ADCY1: variants seen among roughly 807,000 people sequenced by gnomAD.
ADCY1 encodes the protein adenylate cyclase type 1.
A neutral mutation model predicts 105.4 loss-of-function variants in ADCY1; 28 were observed. The ratio of observed to expected loss-of-function variants is 0.27; its 90% CI spans 0.20 to 0.36. ADCY1 has a LOEUF of 0.36. Ranked by LOEUF, ADCY1 falls within the 10% of genes least tolerant of loss-of-function variation. The pLI is 1.00. For synonymous variants in ADCY1, 655 were observed against 623.8 expected, an observed-to-expected ratio of 1.05 and a Z score of -0.75; for missense variants, 977 against 1,434.2, an observed-to-expected ratio of 0.68 and a Z score of 5.15.
At position 45,648,720 on chromosome 7, in the gene ADCY1, G is replaced by A. The variant is rs1338523999; in HGVS notation, c.1071G>A (p.Val357=). 4 of 1,614,178 alleles carry A rather than the reference G, an allele frequency of 2.5e-6. No homozygotes were observed. Among genetic ancestry groups the A allele is most frequent in the South Asian group, 1.1e-5 (1 of 91,088 alleles). The change falls in exon 5 of 20, where the codon GTG becomes GTA. Residue 357 remains valine (V), a synonymous_variant. Transcript: ENST00000297323. The stretch of plus-strand genomic sequence containing the variant: ...TTCTCGGGGACTGCTACTACTGCGT[G>A]TCGGGCCTCACCCAGCCCAAGACTG... ...IKILGDCYYC[V]SGLTQPKTDH... is the part of the protein sequence containing the mutation.
At chr7:45,705,650 G>GA (rs1296422559) in intron 17 of ADCY1, among the ~76,000 whole-genome samples, 1 of 152,178 alleles carries the variant, frequency 6.6e-6, no homozygotes, top group Non-Finnish European at 1.5e-5. Context: ...TGCTCTCTAA[G>GA]ATGAGAAGCA....
intron 14 of ADCY1, among the ~76,000 whole-genome samples, chr7:45,693,394 C>A (rs12702175): frequency 7.2e-6 from 1 of 139,164 alleles, no homozygotes; most frequent in Admixed American, 7.4e-5. Context: ...GATTGGAATA[C>A]TTTCAGAAGG....
Position 45,696,641 on chromosome 7 carries a change from C to T in ADCY1, c.2455-6735C>T, listed in dbSNP as rs200458906. On this transcript the variant is annotated intron_variant, in intron 14 of 19. Coordinates refer to ENST00000297323, the MANE Select transcript of ADCY1 (RefSeq NM_021116.4). ...TCAGGGTCAGGCTCTCAGCCCTCCC[C>T]AGGACCGTTCAGCTTCAGAGTGCTC... 7.2e-5 allele frequency among the ~76,000 whole-genome samples: 11 copies of T among 152,250 alleles called. No individual in the cohort carries two copies. The East Asian group carries it at 1.5e-3, about 21-fold the overall frequency.
rs1382563249 is a variant in ADCY1 at position 45,720,901 on chromosome 7, G to A, written c.*6906G>A. 1 of 152,230 alleles carries A rather than the reference G, an allele frequency of 6.6e-6. No homozygotes were observed. Among genetic ancestry groups the A allele is most frequent in the East Asian group, 1.9e-4 (1 of 5,196 alleles). The allele number at this position is 152,230 out of a possible 1,614,324, so 9.4% of individuals were successfully genotyped here. A position where few individuals can be genotyped will look rare whatever the true frequency, so the allele number is the denominator to read the frequency against. On this transcript the variant is annotated 3_prime_UTR_variant, in exon 20 of 20. Transcript: ENST00000297323. ...AGGGAGGTATTATTATACTCCTTAT[G>A]TTGACAGTGAAGAATCTGAGGCCCA...
At chr7:45,644,183 G>A (rs984851308) in intron 4 of ADCY1, among the ~76,000 whole-genome samples, 3 of 152,098 alleles carry the variant, frequency 2.0e-5, no homozygotes, top group Admixed American at 2.0e-4. Flanking sequence ...CTTAGAATTG[G>A]GATGCAGTGT....
intron 4 of ADCY1, among the ~76,000 whole-genome samples, chr7:45,629,152 A>G (rs143052821): frequency 6.6e-6 from 1 of 152,204 alleles, no homozygotes; most frequent in Non-Finnish European, 1.5e-5. Context: ...TTTGCTTTCT[A>G]TCACTACAAA....
chr7:45,653,250 C>G (rs938510507), intron 5 of ADCY1, among the ~76,000 whole-genome samples: 3 of 152,078 alleles, frequency 2.0e-5, no homozygotes. Flanking sequence ...TTCAGTTTTC[C>G]CCCTCTGTAA....
intron 3 of ADCY1, among the ~76,000 whole-genome samples, chr7:45,611,506 T>C (rs1793591888): frequency 6.6e-6 from 1 of 152,142 alleles, no homozygotes; most frequent in African/African-American, 2.4e-5. Flanking sequence ...GTCTGGTATA[T>C]GTGTGCTCTT....
At chr7:45,684,777 C>G (rs1784632964) in intron 11 of ADCY1, 1 of 485,816 alleles carries the variant, frequency 2.1e-6, no homozygotes, top group East Asian at 3.1e-5. Context: ...CTTCAGGTTT[C>G]TTTTTTTAAC....
Position 45,715,153 on chromosome 7 carries a change from A to G in ADCY1, c.*1158A>G, listed in dbSNP as rs1045308545. On this transcript the variant is annotated 3_prime_UTR_variant, in exon 20 of 20. Coordinates refer to ENST00000297323, the MANE Select transcript of ADCY1 (RefSeq NM_021116.4). ...CTATGTGCATGTCTAAATAGTCACA[A>G]TGAAGATGAAAATAAGGATGATGGG... The G allele has an allele frequency of 2.0e-5, 3 of 152,332 alleles. No homozygotes were observed. Among genetic ancestry groups the G allele is most frequent in the African/African-American group, 7.2e-5 (3 of 41,468 alleles). The allele number at this position is 152,332 out of a possible 1,614,324, so 9.4% of individuals were successfully genotyped here.
Position 45,710,321 on chromosome 7 carries a change from G to A in ADCY1, c.2933-207G>A, listed in dbSNP as rs1785201838. ...GTGTCGTGAGGAGACCCTGCCCAGG[G>A]GAGCCCGTGCAGCAGGGCAGCTGCC... is the stretch of plus-strand genomic sequence containing the variant. On this transcript the variant is annotated intron_variant, in intron 18 of 19. Transcript: ENST00000297323. The surrounding 1 kb of genome is among the most constrained non-coding windows in gnomAD (Gnocchi z 4.7). Among the ~76,000 whole-genome samples the A allele has an allele frequency of 6.6e-6, 1 of 152,142 alleles. No homozygotes were observed. Among genetic ancestry groups the A allele is most frequent in the African/African-American group, 2.4e-5 (1 of 41,426 alleles).
chr7:45,601,512 C>G (rs1315233228), intron 2 of ADCY1, among the ~76,000 whole-genome samples: 3 of 152,074 alleles, frequency 2.0e-5, no homozygotes, highest in African/African-American at 7.2e-5. Context: ...ACTGCCACAA[C>G]TTTAGAGGCC....
chr7:45,588,301 C>T (rs1173935902), intron 1 of ADCY1, among the ~76,000 whole-genome samples: 1 of 152,054 alleles, frequency 6.6e-6, no homozygotes, highest in Non-Finnish European at 1.5e-5. Flanking sequence ...GCTCCAGGCC[C>T]ATCTGCTTGA....
intron 3 of ADCY1, among the ~76,000 whole-genome samples, chr7:45,620,778 T>A (rs1484648333): frequency 3.3e-5 from 5 of 152,098 alleles, no homozygotes; most frequent in Non-Finnish European, 5.9e-5. Context: ...GGCAGTGGAA[T>A]GGCATGTTCA....
intron 11 of ADCY1, among the ~76,000 whole-genome samples, chr7:45,682,671 T>C (rs1306554692): frequency 6.6e-6 from 1 of 152,164 alleles, no homozygotes; most frequent in African/African-American, 2.4e-5. Flanking sequence ...CTCGCCGTCC[T>C]AGGGCTCTAA....
chr7:45,703,323 C>G lies in ADCY1; in HGVS notation c.2455-53C>G. ...ATTAGAAGGAAGTGTGCGGTGGGAA[C>G]AAGTGAAGGCAGCGTGAGTGGATGG... On this transcript the variant is annotated intron_variant, in intron 14 of 19. Coordinates refer to ENST00000297323, the MANE Select transcript of ADCY1 (RefSeq NM_021116.4). The surrounding 1 kb of genome is among the most constrained non-coding windows in gnomAD (Gnocchi z 5.9). The G allele has an allele frequency of 1.3e-6, 2 of 1,549,460 alleles. No homozygotes were observed. Among genetic ancestry groups the G allele is most frequent in the Non-Finnish European group, 1.8e-6 (2 of 1,122,364 alleles).
chr7:45,580,455 A>G (rs1273276089), intron 1 of ADCY1, among the ~76,000 whole-genome samples: 1 of 152,320 alleles, frequency 6.6e-6, no homozygotes, highest in African/African-American at 2.4e-5. Context: ...GCCAGGCTTG[A>G]GCACGGGGCT....
At chr7:45,594,267 G>T (rs983299443) in intron 2 of ADCY1, among the ~76,000 whole-genome samples, 22 of 152,216 alleles carry the variant, frequency 1.4e-4, no homozygotes, top group African/African-American at 4.8e-4. Flanking sequence ...GTGTCGGTGT[G>T]TGTATAAATT....
At chr7:45,634,579 G>A (rs557657384) in intron 4 of ADCY1, among the ~76,000 whole-genome samples, 1 of 152,064 alleles carries the variant, frequency 6.6e-6, no homozygotes, top group South Asian at 2.1e-4. Context: ...TTTGTTCCTT[G>A]GACAAGCCCT....
Sources: allele counts gnomAD v4.1 joint callset (sites outside exome capture counted in the v4.1 genomes callset), GRCh38; gene constraint gnomAD v4.1.1; non-coding constraint Gnocchi (gnomAD v3.1); transcripts MANE v1.5; gene names NCBI Gene and HGNC (gene_info 2026-07-23, HGNC 2026-07-21).